MAP3K14: variants seen among roughly 807,000 people sequenced by gnomAD.
MAP3K14 encodes the protein NF-kappa-beta-inducing kinase.
Under a neutral mutation model 99.2 loss-of-function variants are expected in MAP3K14, and 16 were observed. That is an observed-to-expected ratio of 0.16 (90% CI 0.11 to 0.24). The LOEUF (loss-of-function observed/expected upper bound fraction) is 0.24, where lower values mean the gene tolerates loss of function less well. Ranked by LOEUF, MAP3K14 falls within the 10% of genes least tolerant of loss-of-function variation. The probability of loss-of-function intolerance (pLI) is 1.00; values close to 1 mark genes in which losing one functional copy is unlikely to be tolerated. For missense variants in MAP3K14, 784 were observed against 1,208.7 expected, an observed-to-expected ratio of 0.65 and a Z score of 5.21; for synonymous variants, 462 against 492.4, an observed-to-expected ratio of 0.94 and a Z score of 0.82.
intron 1 of MAP3K14, among the ~76,000 whole-genome samples, chr17:45,305,612 G>C (rs1184984467): frequency 2.0e-5 from 3 of 151,976 alleles, no homozygotes; most frequent in Non-Finnish European, 2.9e-5. Flanking sequence ...ATCTTGGCCA[G>C]GCTGATCTCA....
chr17:45,305,569 T>A (rs73303276), intron 1 of MAP3K14, among the ~76,000 whole-genome samples: 3,330 of 152,098 alleles, frequency 0.022, 129 homozygotes, highest in African/African-American at 0.075. Context: ...CTAATTTCAT[T>A]TATTTATTTT....
intron 6 of MAP3K14, among the ~76,000 whole-genome samples, chr17:45,276,169 A>C (rs1598248082): frequency 6.6e-6 from 1 of 152,226 alleles, no homozygotes; most frequent in East Asian, 1.9e-4. Flanking sequence ...GCTTCTGAGG[A>C]GGCTTCTGGG....
At chr17:45,298,349 AG>A (rs1945604549) in intron 1 of MAP3K14, among the ~76,000 whole-genome samples, 1 of 152,242 alleles carries the variant, frequency 6.6e-6, no homozygotes, top group Non-Finnish European at 1.5e-5. Flanking sequence ...GGCAGAAATA[AG>A]GCAAAATATT....
At chr17:45,277,322 GTCC>G (rs1174993991) in intron 6 of MAP3K14, among the ~76,000 whole-genome samples, 2 of 151,990 alleles carry the variant, frequency 1.3e-5, no homozygotes, top group African/African-American at 4.8e-5. Context: ...TAGTAGACTT[GTCC>G]TCCTTCCTAG....
chr17:45,315,248 G>A (rs1014794202), intron 1 of MAP3K14, among the ~76,000 whole-genome samples: 1 of 151,766 alleles, frequency 6.6e-6, no homozygotes, highest in African/African-American at 2.4e-5. Context: ...CTGTGGTGCC[G>A]CTCCCACAAA....
At chr17:45,305,101 T>TG (rs573685000) in intron 1 of MAP3K14, among the ~76,000 whole-genome samples, 29 of 151,944 alleles carry the variant, frequency 1.9e-4, no homozygotes, top group Non-Finnish European at 3.7e-4. Context: ...TGTTTTTTTA[T>TG]TTTTTTTATT....
rs2044293531 is a variant in MAP3K14, at chr17:45,289,366, G to GA, written c.257-62dup. 2.0e-5 allele frequency: 27 copies of GA among 1,376,656 alleles called. No homozygotes were observed. In the South Asian group the frequency reaches 3.0e-4, roughly 16 times the overall value. 85.3% of individuals were successfully genotyped at this position (1,376,656 alleles called of 1,614,324 possible). ...AAAAATAGGAATTTAGCACTTAGGGGAGAGACATTTTACAGAGATCCCCTC... is the reference window on the plus strand; with the variant it reads ...AAAAATAGGAATTTAGCACTTAGGGGAAGAGACATTTTACAGAGATCCCCTC... On this transcript the variant is annotated intron_variant, in intron 2 of 15. Coordinates refer to ENST00000344686, the MANE Select transcript of MAP3K14 (RefSeq NM_003954.5).
intron 1 of MAP3K14, among the ~76,000 whole-genome samples, chr17:45,307,005 C>T (rs2044435421): frequency 6.6e-6 from 1 of 152,200 alleles, no homozygotes; most frequent in South Asian, 2.1e-4. Context: ...CACCTGTAAT[C>T]CTAGCACATT....
intron 1 of MAP3K14, among the ~76,000 whole-genome samples, chr17:45,304,517 A>G (rs1226931276): frequency 6.6e-6 from 1 of 152,220 alleles, no homozygotes; most frequent in Non-Finnish European, 1.5e-5. Flanking sequence ...AATGGGTTAT[A>G]TCTTTTCTCC....
intron 1 of MAP3K14, among the ~76,000 whole-genome samples, chr17:45,295,961 C>T (rs975229536): frequency 6.6e-6 from 1 of 152,144 alleles, no homozygotes; most frequent in Non-Finnish European, 1.5e-5. Context: ...CTTGATTCTC[C>T]ATACACGAAA....
At chr17:45,279,590 T>A (rs889649764) in intron 6 of MAP3K14, among the ~76,000 whole-genome samples, 1 of 151,914 alleles carries the variant, frequency 6.6e-6, no homozygotes, top group African/African-American at 2.4e-5. Flanking sequence ...GCCTGGCTAA[T>A]TTTTTGGTAT....
In MAP3K14 at chr17:45,287,275, C is replaced by T. The variant is rs533327337; in HGVS notation, c.416G>A (p.Arg139His). ...MARVCWKGKR[R>H]SKARKKRKKK... The stretch of plus-strand genomic sequence containing the variant: ...CTTCCGTTTCTTCCGGGCTTTGCTG[C>T]GACGCTTTCCCTTCCAACACACACG... Residue 139 changes from arginine (R) to histidine (H), a missense_variant, in exon 4 of 16, where the codon CGC becomes CAC. Around this residue, in one of 5 missense-constraint regions of MAP3K14, gnomAD observed 188 missense variants for 313.0 expected, o/e 0.60. Coordinates refer to ENST00000344686, the MANE Select transcript of MAP3K14 (RefSeq NM_003954.5). 293 of 1,613,990 alleles carry T rather than the reference C, an allele frequency of 1.8e-4. 2 individuals carry two copies. In the South Asian group the frequency reaches 2.9e-3, roughly 16 times the overall value.
In MAP3K14 at chr17:45,267,014, G is replaced by A. The variant is rs967065174; in HGVS notation, c.2433+78C>T. ...CACAGTGTCCATTCACTAGCTGGAC[G>A]CAAAGCTACTTGCTCTGTGCCAGGG... is the stretch of plus-strand genomic sequence containing the variant. On this transcript the variant is annotated intron_variant, in intron 13 of 15. Transcript: ENST00000344686. This position sits in a 1 kb window ranked among gnomAD's most constrained non-coding sequence, Gnocchi z 5.1. 14 of 1,083,150 alleles carry A rather than the reference G, an allele frequency of 1.3e-5. No homozygotes were observed. The Admixed American group carries it at 1.6e-4, about 13-fold the overall frequency. The allele number at this position is 1,083,150 out of a possible 1,614,324, so 67.1% of individuals were successfully genotyped here. A position where few individuals can be genotyped will look rare whatever the true frequency, so the allele number is the denominator to read the frequency against.
intron 6 of MAP3K14, among the ~76,000 whole-genome samples, chr17:45,280,827 T>C (rs1043954902): frequency 6.6e-6 from 1 of 151,846 alleles, no homozygotes; most frequent in Admixed American, 6.6e-5. Context: ...GCCAGGCTGG[T>C]CTCGAACTCC....
intron 6 of MAP3K14, among the ~76,000 whole-genome samples, chr17:45,275,755 C>CT (rs1567990470): frequency 7.9e-5 from 9 of 113,246 alleles, no homozygotes; most frequent in African/African-American, 1.1e-4. Flanking sequence ...TTTTTCTTTT[C>CT]TTTTCTTTTT....
At chr17:45,307,631 C>G (rs562931143) in intron 1 of MAP3K14, among the ~76,000 whole-genome samples, 1 of 152,162 alleles carries the variant, frequency 6.6e-6, no homozygotes, top group South Asian at 2.1e-4. Context: ...AACCACCCAC[C>G]GCTCCTTTCT....
chr17:45,266,268 T>G, intron 14 of MAP3K14: 1 of 385,706 alleles, frequency 2.6e-6, no homozygotes, highest in Non-Finnish European at 4.7e-6. Flanking sequence ...ACTGCTCTCC[T>G]CCCCAAGCTA....
Position 45,267,014 on chromosome 17 carries a change from G to T in MAP3K14, c.2433+78C>A. On this transcript the variant is annotated intron_variant, in intron 13 of 15. Transcript: ENST00000344686. This position sits in a 1 kb window ranked among gnomAD's most constrained non-coding sequence, Gnocchi z 5.1. ...CACAGTGTCCATTCACTAGCTGGAC[G>T]CAAAGCTACTTGCTCTGTGCCAGGG... is the stretch of plus-strand genomic sequence containing the variant. 2 of 1,083,270 alleles carry T rather than the reference G, an allele frequency of 1.8e-6. No individual in the cohort carries two copies. Among genetic ancestry groups the T allele is most frequent in the Non-Finnish European group, 2.8e-6 (2 of 726,216 alleles). 67.1% of individuals were successfully genotyped at this position (1,083,270 alleles called of 1,614,324 possible).
Position 45,287,247 on chromosome 17 carries a change from C to T in MAP3K14, c.444G>A (p.Lys148=). The part of the protein sequence containing the change: ...RRSKARKKRK[K]KSSKSLAHAG... ...CATGAGCCAGGGACTTTGAGCTCTTCTTCTTCCGTTTCTTCCGGGCTTTGC... is the reference window on the plus strand; with the variant it reads ...CATGAGCCAGGGACTTTGAGCTCTTTTTCTTCCGTTTCTTCCGGGCTTTGC... Residue 148 remains lysine, a synonymous_variant, in exon 4 of 16, where the codon AAG becomes AAA. Transcript: ENST00000344686. 1 of 1,614,022 alleles carries T rather than the reference C, an allele frequency of 6.2e-7. No homozygotes were observed.
Sources: gnomAD v4.1 joint callset for allele counts (sites outside exome capture counted in the v4.1 genomes callset) on GRCh38, gnomAD v4.1.1 for gene constraint, gnomAD v4.1.1 regional missense constraint, Gnocchi (gnomAD v3.1) non-coding constraint, MANE v1.5 for transcripts, NCBI Gene and HGNC (gene_info 2026-07-23, HGNC 2026-07-21) for gene names.